The following NR2E3 variants were observed in gnomAD, a reference collection of about 807,000 sequenced individuals.
The protein encoded by NR2E3 is photoreceptor-specific nuclear receptor.
NR2E3 carries 38 observed loss-of-function variants against 37.6 expected under a neutral mutation model. The observed-to-expected ratio is 1.01, with a 90% CI of 0.78 to 1.33. NR2E3 has a LOEUF of 1.33. NR2E3 is among the 40% of genes most tolerant of loss of function. NR2E3 has a pLI of 0.00. For synonymous variants in NR2E3, 235 were observed against 225.1 expected (o/e 1.04, Z -0.39); for missense variants, 562 against 558.7 (o/e 1.01, Z -0.06).
Position 71,812,458 on chromosome 15 carries a change from G to A in NR2E3, c.694G>A (p.Val232Ile), listed in dbSNP as rs1805023. 1,919 of 1,613,730 alleles carry A rather than the reference G, an allele frequency of 1.2e-3. 19 individuals carry two copies. The African/African-American group carries it at 0.023, about 19-fold the overall frequency. The change falls in exon 5 of 8, where the codon GTC becomes ATC. Residue 232 changes from valine to isoleucine, a missense_variant. Coordinates refer to ENST00000617575, the MANE Select transcript of NR2E3 (RefSeq NM_014249.4). Reference sequence around the variant, plus strand: ...CTCGGCTCGCCTACTCTTCATGGCCGTCAAGTGGGCCAAGAACCTGCCTGT... The same window carrying A: ...CTCGGCTCGCCTACTCTTCATGGCCATCAAGTGGGCCAAGAACCTGCCTGT... ...ETSARLLFMA[V>I]KWAKNLPVFS...
chr15:71,813,327 G>T lies in NR2E3; in HGVS notation c.748-62G>T. On this transcript the variant is annotated intron_variant, in intron 5 of 7. Transcript: ENST00000617575. The surrounding 1 kb of genome is among the most constrained non-coding windows in gnomAD (Gnocchi z 4.7). ...TTGGGTGCCTGAGATGGTGGCAGAG[G>T]CTCCAGACTGAGCCAGAGAAGCTGT... 1 of 1,572,660 alleles carries T rather than the reference G, an allele frequency of 6.4e-7. No homozygotes were observed. Among genetic ancestry groups the T allele is most frequent in the Non-Finnish European group, 8.6e-7 (1 of 1,160,590 alleles).
Position 71,812,080 on chromosome 15 carries a change from G to A in NR2E3, c.475G>A (p.Gly159Ser), listed in dbSNP as rs769726361. Reference protein sequence around the residue: ...PPAPAGRSPRGPTPMSAARAL... With the variant: ...PPAPAGRSPRSPTPMSAARAL... ...GGCCCCGGCAGGGCGCAGCCCACGGGGCCCCACACCCATGTCTGCAGCCAG... is the reference window on the plus strand; with the variant it reads ...GGCCCCGGCAGGGCGCAGCCCACGGAGCCCCACACCCATGTCTGCAGCCAG... The change falls in exon 4 of 8, where the codon GGC becomes AGC. Residue 159 changes from glycine to serine, a missense_variant. Physicochemically the swap from Gly to Ser is moderately conservative, Grantham distance 56. Transcript: ENST00000617575. The A allele has an allele frequency of 4.2e-5, 66 of 1,553,576 alleles. No individual in the cohort carries two copies. Among genetic ancestry groups the A allele is most frequent in the Non-Finnish European group, 5.7e-5 (66 of 1,148,892 alleles).
At position 71,817,140 on chromosome 15, in the gene NR2E3, C is replaced by T. The variant is rs569250615; in HGVS notation, c.1101-412C>T. On this transcript the variant is annotated intron_variant, in intron 7 of 7. Transcript: ENST00000617575. ...TTGAGACGGAGTCTTGCTCTGTAGC[C>T]GAGGCTGGAGTGCAGTAGCGGGATC... 4.1e-5 allele frequency among the ~76,000 whole-genome samples: 6 copies of T among 147,792 alleles called. No homozygotes were observed. In the East Asian group the frequency reaches 5.9e-4, roughly 15 times the overall value.
Position 71,813,759 on chromosome 15 carries a change from A to T in NR2E3, c.994+124A>T, listed in dbSNP as rs893065155. 2 of 1,506,872 alleles carry T rather than the reference A, an allele frequency of 1.3e-6. No homozygotes were observed. The highest frequency in any genetic ancestry group is 2.7e-5 in the African/African-American group (2 of 73,030). 93.3% of individuals were successfully genotyped at this position (1,506,872 alleles called of 1,614,324 possible). On this transcript the variant is annotated intron_variant, in intron 6 of 7. Transcript: ENST00000617575. This position sits in a 1 kb window ranked among gnomAD's most constrained non-coding sequence, Gnocchi z 4.7. ...GGCCTCTATCCTGGGGGGTGGGAGG[A>T]GAGTGGTGAGGCTGGACTCCCTTCT... is the stretch of plus-strand genomic sequence containing the variant.
rs748480349 is a variant in NR2E3, at chr15:71,813,598, G to A, written c.957G>A (p.Glu319=). 2 of 1,613,962 alleles carry A rather than the reference G, an allele frequency of 1.2e-6. No individual in the cohort carries two copies. Among genetic ancestry groups the A allele is most frequent in the South Asian group, 2.2e-5 (2 of 91,088 alleles). Residue 319 remains glutamate (E), a synonymous_variant, in exon 6 of 8, where the codon GAG becomes GAA. Transcript: ENST00000617575. This position sits in a 1 kb window ranked among gnomAD's most constrained non-coding sequence, Gnocchi z 4.7. ...GGGCATTGGCGGTGGACCCCACGGA[G>A]TTTGCCTGCATGAAGGCCTTGGTCC... ...RFRALAVDPT[E]FACMKALVLF... is the part of the protein sequence containing the mutation.
At chr15:71,814,373 G>C in intron 7 of NR2E3, 1 of 1,260,884 alleles carries the variant, frequency 7.9e-7, no homozygotes, top group South Asian at 2.8e-5. Flanking sequence ...CCCTAGCCAG[G>C]TACTGAGGGT....
Position 71,810,568 on chromosome 15 carries a change from G to GC in NR2E3, c.-174dup. The GC allele has an allele frequency of 1.1e-6, 1 of 903,112 alleles. No homozygotes were observed. Among genetic ancestry groups the GC allele is most frequent in the Non-Finnish European group, 1.6e-6 (1 of 610,784 alleles). 55.9% of individuals were successfully genotyped at this position (903,112 alleles called of 1,614,324 possible). A position where few individuals can be genotyped will look rare whatever the true frequency, so the allele number is the denominator to read the frequency against. On this transcript the variant is annotated 5_prime_UTR_variant, in exon 1 of 8. Coordinates refer to ENST00000617575, the MANE Select transcript of NR2E3 (RefSeq NM_014249.4). ...GCTGCCCCGGGAGAAATCTCCTCAAGCCAGAGCCTGTGCTGTGAGGGGCTT... is the reference window on the plus strand; with the variant it reads ...GCTGCCCCGGGAGAAATCTCCTCAAGCCCAGAGCCTGTGCTGTGAGGGGCTT...
intron 7 of NR2E3, chr15:71,814,571 A>G: frequency 1.1e-6 from 1 of 950,322 alleles, no homozygotes; most frequent in Non-Finnish European, 1.3e-6. Flanking sequence ...AAGGTATAAC[A>G]GGTTCCTGCC....
At position 71,811,080 on chromosome 15, in the gene NR2E3, G is replaced by A. The variant is rs1243850242; in HGVS notation, c.118+219G>A. Among the ~76,000 whole-genome samples, 1 of 152,098 alleles carries A rather than the reference G, an allele frequency of 6.6e-6. No homozygotes were observed. The highest frequency in any genetic ancestry group is 1.5e-5 in the Non-Finnish European group (1 of 68,000). On this transcript the variant is annotated intron_variant, in intron 1 of 7. Transcript: ENST00000617575. This position sits in a 1 kb window ranked among gnomAD's most constrained non-coding sequence, Gnocchi z 5.6. ...CGGGCAGGCTGCAGAGCCAGGACAG[G>A]ACAGCCTAGCCGATGGGGAAGGAAA...
At position 71,811,455 on chromosome 15, in the gene NR2E3, T is replaced by TGGCCCAGCCCTGCCCC. The variant is rs1555454542; in HGVS notation, c.119-27_119-12dup. 6.0e-6 allele frequency: 9 copies of TGGCCCAGCCCTGCCCC among 1,502,904 alleles called. No individual in the cohort carries two copies. The highest frequency in any genetic ancestry group is 4.9e-5 in the East Asian group (2 of 40,546). The allele number at this position is 1,502,904 out of a possible 1,614,324, so 93.1% of individuals were successfully genotyped here. A position where few individuals can be genotyped will look rare whatever the true frequency, so the allele number is the denominator to read the frequency against. ...GCCCTGCCCCGGCCCAGCCCTGCCC[T>TGGCCCAGCCCTGCCCC]GGCCCAGCCCTGCCCCCTGCCCCTC... On this transcript the variant is annotated intron_variant, in intron 1 of 7. Coordinates refer to ENST00000617575, the MANE Select transcript of NR2E3 (RefSeq NM_014249.4). This position sits in a 1 kb window ranked among gnomAD's most constrained non-coding sequence, Gnocchi z 5.6.
rs1257808495 is a variant in NR2E3, at chr15:71,813,103, CA to C, written c.748-285del. On this transcript the variant is annotated intron_variant, in intron 5 of 7. Transcript: ENST00000617575. This position sits in a 1 kb window ranked among gnomAD's most constrained non-coding sequence, Gnocchi z 4.7. ...CCACTTGAATACACTCAACTTAGGA[CA>C]CTCATGAGGCATGTCTCTGAGGCTG... Among the ~76,000 whole-genome samples the C allele has an allele frequency of 6.6e-6, 1 of 152,174 alleles. No homozygotes were observed. Among genetic ancestry groups the C allele is most frequent in the African/African-American group, 2.4e-5 (1 of 41,444 alleles).
chr15:71,814,812 C>G lies in NR2E3; in HGVS notation c.1100+695C>G, dbSNP rs533650888. The G allele has an allele frequency of 3.0e-6, 3 of 985,436 alleles. No individual in the cohort carries two copies. In the African/African-American group the frequency reaches 5.2e-5, roughly 17 times the overall value. The allele number at this position is 985,436 out of a possible 1,614,324, so 61.0% of individuals were successfully genotyped here. A position where few individuals can be genotyped will look rare whatever the true frequency, so the allele number is the denominator to read the frequency against. On this transcript the variant is annotated intron_variant, in intron 7 of 7. Transcript: ENST00000617575. ...GCTACTGCCACCTTCCAGATGGTTC[C>G]ATGGAGTTCTGATCTTTGGGCATGG...
chr15:71,817,125 GTCTTGCTC>G (rs1465288363), intron 7 of NR2E3, among the ~76,000 whole-genome samples: 1 of 143,720 alleles, frequency 7.0e-6, no homozygotes, highest in African/African-American at 2.7e-5. Context: ...TTGAGACGGA[GTCTTGCTC>G]TGTAGCCGAG....
rs189308546 is a variant in NR2E3 at position 71,817,506 on chromosome 15, C to T, written c.1101-46C>T. The stretch of plus-strand genomic sequence containing the variant: ...GAGGGCACCGCCCCAGGGACTAGTG[C>T]TCAGAAGCTGGTCGTAAAACTGATG... On this transcript the variant is annotated intron_variant, in intron 7 of 7. Coordinates refer to ENST00000617575, the MANE Select transcript of NR2E3 (RefSeq NM_014249.4). The T allele has an allele frequency of 1.5e-5, 24 of 1,559,272 alleles. No individual in the cohort carries two copies. In the East Asian group the frequency reaches 5.5e-4, roughly 36 times the overall value.
Position 71,811,396 on chromosome 15 carries a change from G to A in NR2E3, c.119-87G>A, listed in dbSNP as rs1595955743. 7.6e-7 allele frequency: 1 copy of A among 1,308,810 alleles called. No individual in the cohort carries two copies. Among genetic ancestry groups the A allele is most frequent in the Non-Finnish European group, 1.1e-6 (1 of 949,098 alleles). 81.1% of individuals were successfully genotyped at this position (1,308,810 alleles called of 1,614,324 possible). ...GCGGGTGAGCGGGGCCTGAGGACTGGGAAAGGGACCCGAGGGAAGGAGGGG... is the reference window on the plus strand; with the variant it reads ...GCGGGTGAGCGGGGCCTGAGGACTGAGAAAGGGACCCGAGGGAAGGAGGGG... On this transcript the variant is annotated intron_variant, in intron 1 of 7. Coordinates refer to ENST00000617575, the MANE Select transcript of NR2E3 (RefSeq NM_014249.4). This position sits in a 1 kb window ranked among gnomAD's most constrained non-coding sequence, Gnocchi z 5.6.
In NR2E3 at chr15:71,812,058, C is replaced by T. The variant is rs1196238543; in HGVS notation, c.453C>T (p.Ala151=). 6.4e-7 allele frequency: 1 copy of T among 1,553,064 alleles called. No homozygotes were observed. Among genetic ancestry groups the T allele is most frequent in the East Asian group, 2.4e-5 (1 of 40,994 alleles). The change falls in exon 4 of 8, where the codon GCC becomes GCT. Residue 151 remains alanine, a synonymous_variant. Coordinates refer to ENST00000617575, the MANE Select transcript of NR2E3 (RefSeq NM_014249.4). ...CGGAGTCCCTGGTGGCTCCCCCGGCCCCGGCAGGGCGCAGCCCACGGGGCC... is the reference window on the plus strand; with the variant it reads ...CGGAGTCCCTGGTGGCTCCCCCGGCTCCGGCAGGGCGCAGCCCACGGGGCC... The part of the protein sequence containing the change: ...SRPESLVAPP[A]PAGRSPRGPT...
In NR2E3 at chr15:71,813,745, T is replaced by C. The variant is rs1044066798; in HGVS notation, c.994+110T>C. On this transcript the variant is annotated intron_variant, in intron 6 of 7. Coordinates refer to ENST00000617575, the MANE Select transcript of NR2E3 (RefSeq NM_014249.4). The surrounding 1 kb of genome is among the most constrained non-coding windows in gnomAD (Gnocchi z 4.7). ...TGCAGATGTGTGTAGGCCTCTATCC[T>C]GGGGGGTGGGAGGAGAGTGGTGAGG... 22 of 1,548,124 alleles carry C rather than the reference T, an allele frequency of 1.4e-5. No individual in the cohort carries two copies. Among genetic ancestry groups the C allele is most frequent in the Non-Finnish European group, 1.9e-5 (22 of 1,136,348 alleles).
intron 5 of NR2E3, 135 bp downstream of exon 5, chr15:71,812,646 C>T (rs964279607): frequency 1.3e-5 from 10 of 772,260 alleles, no homozygotes; most frequent in Non-Finnish European, 2.0e-5. Context: ...GCTGGGGACA[C>T]ACATACCTCT....
chr15:71,812,591 C>A, intron 5 of NR2E3, 80 bp downstream of exon 5: 1 of 1,238,030 alleles, frequency 8.1e-7, no homozygotes, highest in Non-Finnish European at 1.1e-6. Context: ...ACAGGGCACA[C>A]ACATCCCCAC....
Sources: gnomAD v4.1 joint callset for allele counts (sites outside exome capture counted in the v4.1 genomes callset) on GRCh38, gnomAD v4.1.1 for gene constraint, Gnocchi (gnomAD v3.1) non-coding constraint, MANE v1.5 for transcripts, NCBI Gene and HGNC (gene_info 2026-07-23, HGNC 2026-07-21) for gene names.